The following NHEJ1 variants were observed in gnomAD, a reference collection of about 807,000 sequenced individuals.
NHEJ1 encodes non-homologous end joining factor 1.
Under a neutral mutation model 39.4 loss-of-function variants are expected in NHEJ1, and 22 were observed. That is an observed-to-expected ratio of 0.56 (90% CI 0.40 to 0.80). The LOEUF (loss-of-function observed/expected upper bound fraction) is 0.80, where lower values mean the gene tolerates loss of function less well. NHEJ1 is among the 30% of genes least tolerant of loss of function. The pLI is 0.00. For missense variants in NHEJ1, 329 were observed against 357.1 expected, an observed-to-expected ratio of 0.92 and a Z score of 0.63; for synonymous variants, 154 against 135.6, an observed-to-expected ratio of 1.14 and a Z score of -0.94.
chr2:219,119,333 C>A (rs1949448775), intron 5 of NHEJ1, among the ~76,000 whole-genome samples: 1 of 152,140 alleles, frequency 6.6e-6, no homozygotes, highest in South Asian at 2.1e-4. Flanking sequence ...GTGGAATTGG[C>A]CCTAAAGGAG....
chr2:219,076,923 C>T (rs1949019184), intron 7 of NHEJ1, among the ~76,000 whole-genome samples: 1 of 152,126 alleles, frequency 6.6e-6, no homozygotes, highest in South Asian at 2.1e-4. Context: ...AGACCCTAAG[C>T]AGGAGATGTA....
intron 5 of NHEJ1, among the ~76,000 whole-genome samples, chr2:219,080,654 A>C (rs1949057343): frequency 9.2e-6 from 1 of 108,976 alleles, no homozygotes; most frequent in Admixed American, 8.6e-5. Context: ...TATATATGCT[A>C]ATATATATAA....
intron 5 of NHEJ1, among the ~76,000 whole-genome samples, chr2:219,096,062 G>A (rs1949205156): frequency 6.6e-6 from 1 of 152,148 alleles, no homozygotes; most frequent in Non-Finnish European, 1.5e-5. Flanking sequence ...GGGCCACTTG[G>A]AGAAAGGATA....
chr2:219,082,260 A>T (rs1380718561), intron 5 of NHEJ1, among the ~76,000 whole-genome samples: 1 of 152,248 alleles, frequency 6.6e-6, no homozygotes, highest in Non-Finnish European at 1.5e-5. Flanking sequence ...CCATATCAGA[A>T]ACTTTAGGCA....
At chr2:219,101,707 G>A (rs1370320056) in intron 5 of NHEJ1, among the ~76,000 whole-genome samples, 3 of 138,852 alleles carry the variant, frequency 2.2e-5, no homozygotes, top group African/African-American at 8.0e-5. Flanking sequence ...CACCGCACCC[G>A]AACTACCTCA....
intron 5 of NHEJ1, among the ~76,000 whole-genome samples, chr2:219,082,760 G>A (rs973971260): frequency 7.2e-5 from 11 of 152,186 alleles, no homozygotes; most frequent in Non-Finnish European, 1.6e-4. Flanking sequence ...AACATCACAA[G>A]GGCAGGGCCC....
intron 1 of NHEJ1, chr2:219,158,955 G>A (rs1220831538): frequency 1.8e-5 from 3 of 168,470 alleles, no homozygotes; most frequent in African/African-American, 7.2e-5. Flanking sequence ...AAAATGTTAT[G>A]TGTACACGCA....
intron 5 of NHEJ1, among the ~76,000 whole-genome samples, chr2:219,132,220 G>A (rs924784340): frequency 1.3e-5 from 2 of 151,956 alleles, no homozygotes; most frequent in African/African-American, 4.8e-5. Flanking sequence ...ATAAACTGTT[G>A]GATAGATTAC....
At position 219,085,572 on chromosome 2, in the gene NHEJ1, TGCCGACCTC is replaced by T. The variant is rs1949103948; in HGVS notation, c.589-7375_589-7367del. ...TTCCCTGATCATTCTGCCCTGCTGC[TGCCGACCTC>T]GCCATGCTCTATGATTAGCCTCCAG... On this transcript the variant is annotated intron_variant, in intron 5 of 7. Transcript: ENST00000356853. Among the ~76,000 whole-genome samples, 3 of 152,214 alleles carry T rather than the reference TGCCGACCTC, an allele frequency of 2.0e-5. 1 individual carries two copies. The highest frequency in any genetic ancestry group is 2.0e-4 in the Admixed American group (3 of 15,284).
intron 5 of NHEJ1, among the ~76,000 whole-genome samples, chr2:219,099,542 CAG>C (rs1949237241): frequency 5.3e-5 from 8 of 152,164 alleles, no homozygotes. Context: ...AGGAATTACT[CAG>C]AGTCAGTGCA....
chr2:219,118,405 A>G (rs1400997977), intron 5 of NHEJ1, among the ~76,000 whole-genome samples: 2 of 152,112 alleles, frequency 1.3e-5, no homozygotes, highest in African/African-American at 2.4e-5. Context: ...CTGGGGTCCA[A>G]AATGCTCTGC....
intron 3 of NHEJ1, among the ~76,000 whole-genome samples, chr2:219,154,841 C>T (rs1036215099): frequency 6.1e-5 from 9 of 148,118 alleles, no homozygotes; most frequent in Non-Finnish European, 1.3e-4. Context: ...TTTTTCTTTA[C>T]ATACTTTTAT....
chr2:219,093,748 T>C (rs61202460), intron 5 of NHEJ1, among the ~76,000 whole-genome samples: 58 of 152,374 alleles, frequency 3.8e-4, no homozygotes, highest in African/African-American at 1.4e-3. Flanking sequence ...TGCTTTATTA[T>C]ATGTTCTATT....
chr2:219,080,546 T>A (rs1347294112), intron 5 of NHEJ1, among the ~76,000 whole-genome samples: 3 of 134,810 alleles, frequency 2.2e-5, no homozygotes, highest in East Asian at 2.0e-4. Flanking sequence ...AATAAATAAA[T>A]AAAAATATAT....
chr2:219,088,032 T>C (rs1949127941), intron 5 of NHEJ1, among the ~76,000 whole-genome samples: 1 of 152,238 alleles, frequency 6.6e-6, no homozygotes, highest in South Asian at 2.1e-4. Context: ...GATATCTCTA[T>C]ATATTCATCA....
chr2:219,115,407 A>T (rs1949404205), intron 5 of NHEJ1, among the ~76,000 whole-genome samples: 1 of 152,166 alleles, frequency 6.6e-6, no homozygotes, highest in Admixed American at 6.5e-5. Context: ...TGATGATTAG[A>T]GGGATAATTT....
chr2:219,087,380 C>CT (rs11422870), intron 5 of NHEJ1, among the ~76,000 whole-genome samples: 78,224 of 149,658 alleles, frequency 0.52, 22,912 homozygotes, highest in Non-Finnish European at 0.67. Flanking sequence ...GTGCAGATTC[C>CT]TTTTTTTTTT....
At chr2:219,154,400 C>T (rs72953628) in intron 3 of NHEJ1, among the ~76,000 whole-genome samples, 4,123 of 152,140 alleles carry the variant, frequency 0.027, 103 homozygotes, top group Middle Eastern at 0.12. Context: ...GACTAGGGAA[C>T]GGGGTAGAAA....
chr2:219,131,222 TG>T (rs1382613904), intron 5 of NHEJ1, among the ~76,000 whole-genome samples: 1 of 152,182 alleles, frequency 6.6e-6, no homozygotes, highest in Non-Finnish European at 1.5e-5. Context: ...AGACCCTGCA[TG>T]GCTGTTCAGG....
Sources: allele counts gnomAD v4.1 joint callset (sites outside exome capture counted in the v4.1 genomes callset), GRCh38; gene constraint gnomAD v4.1.1; transcripts MANE v1.5; gene names NCBI Gene and HGNC (gene_info 2026-07-23, HGNC 2026-07-21).